Variants in USP42 observed in about 807,000 individuals in gnomAD.
The protein encoded by USP42 is ubiquitin carboxyl-terminal hydrolase 42.
A neutral mutation model predicts 113.0 loss-of-function variants in USP42; 23 were observed. The observed-to-expected ratio is 0.20, with a 90% confidence interval of 0.15 to 0.29. The LOEUF is 0.29. Among genes scored for constraint, USP42 ranks in the 10% least tolerant of loss-of-function variants. USP42 has a pLI of 1.00. For missense variants in USP42, 2,174 were observed against 1,779.8 expected (o/e 1.22, Z -3.99); for synonymous variants, 933 against 699.0 (o/e 1.33, Z -5.28).
chr7:6,106,964 A>G (rs1779316830), intron 1 of USP42, among the ~76,000 whole-genome samples: 2 of 152,248 alleles, frequency 1.3e-5, no homozygotes, highest in African/African-American at 4.8e-5. Flanking sequence ...TAGAAGCTTT[A>G]CTGAAAGTGA....
At chr7:6,108,732 G>A (rs1412392772) in intron 1 of USP42, among the ~76,000 whole-genome samples, 3 of 152,098 alleles carry the variant, frequency 2.0e-5, no homozygotes, top group African/African-American at 7.2e-5. Context: ...ACCCGCCTTG[G>A]CCTCCCAAAG....
At chr7:6,130,798 A>AT (rs1780810143) in intron 3 of USP42, among the ~76,000 whole-genome samples, 1 of 152,106 alleles carries the variant, frequency 6.6e-6, no homozygotes, top group Non-Finnish European at 1.5e-5. Context: ...GAAGACAAAG[A>AT]TTTTATGCTC....
intron 3 of USP42, among the ~76,000 whole-genome samples, chr7:6,132,710 T>C (rs1465334127): frequency 6.9e-6 from 1 of 144,956 alleles, no homozygotes; most frequent in Non-Finnish European, 1.5e-5. Context: ...TTTGCTCTGT[T>C]GCCCAGGCTG....
chr7:6,159,177 C>T lies in USP42; in HGVS notation c.3944-273C>T, dbSNP rs1237618890. On this transcript the variant is annotated intron_variant, in intron 16 of 17. Transcript: ENST00000306177. The surrounding 1 kb of genome is among the most constrained non-coding windows in gnomAD (Gnocchi z 4.1). Reference sequence around the variant, plus strand: ...TCCTCTGGCTCTGTTCCGCCCAGTTCAGTTCTTGGGCCTGATATCTGTTCT... The same window carrying T: ...TCCTCTGGCTCTGTTCCGCCCAGTTTAGTTCTTGGGCCTGATATCTGTTCT... Among the ~76,000 whole-genome samples, 1 of 152,184 alleles carries T rather than the reference C, an allele frequency of 6.6e-6. No homozygotes were observed. Among genetic ancestry groups the T allele is most frequent in the Non-Finnish European group, 1.5e-5 (1 of 68,036 alleles).
At position 6,160,803 on chromosome 7, in the gene USP42, A is replaced by ACAT. The variant is rs1240761865; in HGVS notation, c.*287_*289dup. On this transcript the variant is annotated 3_prime_UTR_variant, in exon 18 of 18. Coordinates refer to ENST00000306177, the MANE Select transcript of USP42 (RefSeq NM_032172.3). Reference sequence around the variant, plus strand: ...CATTGAAATAATGCCCTGGAATAGAACATCTCAAATGCTGCTTAATTACAG... The same window carrying ACAT: ...CATTGAAATAATGCCCTGGAATAGAACATCATCTCAAATGCTGCTTAATTACAG... 1.3e-5 allele frequency: 2 copies of ACAT among 152,642 alleles called. No individual in the cohort carries two copies. The highest frequency in any genetic ancestry group is 6.5e-5 in the Admixed American group (1 of 15,284). 9.5% of individuals were successfully genotyped at this position (152,642 alleles called of 1,614,324 possible). A position where few individuals can be genotyped will look rare whatever the true frequency, so the allele number is the denominator to read the frequency against.
chr7:6,136,026 A>G, intron 4 of USP42, 75 bp downstream of exon 4: 1 of 870,010 alleles, frequency 1.1e-6, no homozygotes, highest in Non-Finnish European at 1.7e-6. Context: ...TTTTTTCGAG[A>G]CAGAGTCTTG....
rs1782239401 is a variant in USP42, at chr7:6,154,041, C to T, written c.2487C>T (p.Ser829=). 6.2e-7 allele frequency: 1 copy of T among 1,605,434 alleles called. No individual in the cohort carries two copies. Among genetic ancestry groups the T allele is most frequent in the Non-Finnish European group, 8.5e-7 (1 of 1,179,330 alleles). The change falls in exon 15 of 18, where the codon AGC becomes AGT. Residue 829 remains serine (S), a synonymous_variant. Coordinates refer to ENST00000306177, the MANE Select transcript of USP42 (RefSeq NM_032172.3). Reference sequence around the variant, plus strand: ...CCGGGAGCTTAACAGGCGATGCGAGCCCGTTGTCCCAGGACGCAAAGGGGA... The same window carrying T: ...CCGGGAGCTTAACAGGCGATGCGAGTCCGTTGTCCCAGGACGCAAAGGGGA... ...CDPGSLTGDA[S]PLSQDAKGMI...
chr7:6,129,860 C>CAAA (rs35237852), intron 3 of USP42, among the ~76,000 whole-genome samples: 27 of 73,148 alleles, frequency 3.7e-4, no homozygotes, highest in Middle Eastern at 8.6e-3. Flanking sequence ...GACTCTGTCT[C>CAAA]AAAAAAAAAA....
chr7:6,139,222 C>T lies in USP42; in HGVS notation c.656+28C>T. 6.7e-7 allele frequency: 1 copy of T among 1,485,522 alleles called. No individual in the cohort carries two copies. The highest frequency in any genetic ancestry group is 9.2e-7 in the Non-Finnish European group (1 of 1,091,296). 92.0% of individuals were successfully genotyped at this position (1,485,522 alleles called of 1,614,324 possible). A position where few individuals can be genotyped will look rare whatever the true frequency, so the allele number is the denominator to read the frequency against. ...AAGTACAACAGAGCGCCAGCCATGT[C>T]TTCATTGGGGATCTCTGGTTGTAGT... On this transcript the variant is annotated intron_variant, in intron 5 of 17. Coordinates refer to ENST00000306177, the MANE Select transcript of USP42 (RefSeq NM_032172.3). This position sits in a 1 kb window ranked among gnomAD's most constrained non-coding sequence, Gnocchi z 4.5.
chr7:6,138,669 A>G (rs1025685511), intron 4 of USP42, among the ~76,000 whole-genome samples: 2 of 152,218 alleles, frequency 1.3e-5, no homozygotes, highest in Non-Finnish European at 2.9e-5. Context: ...GGTGAGCAGC[A>G]GGTGAGCATC....
chr7:6,148,910 G>A (rs936804158), intron 12 of USP42, among the ~76,000 whole-genome samples: 1 of 152,214 alleles, frequency 6.6e-6, no homozygotes, highest in African/African-American at 2.4e-5. Context: ...GGGGTGGTTG[G>A]CATTGCTTTT....
chr7:6,104,148 TCTCGGCTCA>T (rs1215851750), upstream of USP42, among the ~76,000 whole-genome samples: 1 of 151,346 alleles, frequency 6.6e-6, no homozygotes, highest in African/African-American at 2.5e-5. Flanking sequence ...AGAGGCGCGA[TCTCGGCTCA>T]CTGCAACCTC....
intron 7 of USP42, among the ~76,000 whole-genome samples, chr7:6,141,818 T>C (rs1562836732): frequency 6.6e-6 from 1 of 152,248 alleles, no homozygotes; most frequent in Non-Finnish European, 1.5e-5. Context: ...ATGAGTAACG[T>C]TGCAGATATA....
chr7:6,111,787 GTA>G, intron 2 of USP42: 1 of 72,234 alleles, frequency 1.4e-5, no homozygotes, highest in South Asian at 3.1e-4. Context: ...TTTTTTTTTT[GTA>G]TTTTTAGTAG....
At chr7:6,099,562 G>C in the USP42 span, among the ~76,000 whole-genome samples, 4 of 150,348 alleles carry the variant, frequency 2.7e-5, no homozygotes, top group South Asian at 8.3e-4. Flanking sequence ...TGGGCAGGCG[G>C]GTCTCAAACT....
chr7:6,150,942 G>C (rs2128517314), intron 14 of USP42, among the ~76,000 whole-genome samples: 1 of 152,318 alleles, frequency 6.6e-6, no homozygotes, highest in Admixed American at 6.5e-5. Context: ...CATCGTTTGG[G>C]GATGTGGTTG....
At chr7:6,150,362 G>T (rs1372932462) in intron 13 of USP42, 50 bp from the exon 14 acceptor site, 2 of 1,610,346 alleles carry the variant, frequency 1.2e-6, no homozygotes, top group African/African-American at 1.3e-5. Context: ...TGGATTTCAG[G>T]AGGCATGGAG....
At chr7:6,114,719 C>G (rs1479947192) in intron 2 of USP42, among the ~76,000 whole-genome samples, 1 of 98,302 alleles carries the variant, frequency 1.0e-5, no homozygotes, top group African/African-American at 3.9e-5. Flanking sequence ...GACGGAGTCT[C>G]TCGCTCTGTC....
At chr7:6,109,506 G>A (rs1779473628) in intron 1 of USP42, among the ~76,000 whole-genome samples, 1 of 152,012 alleles carries the variant, frequency 6.6e-6, no homozygotes. Context: ...AATTTTCCTT[G>A]CCTCAGCCTC....
Sources: allele counts gnomAD v4.1 joint callset (sites outside exome capture counted in the v4.1 genomes callset), GRCh38; gene constraint gnomAD v4.1.1; non-coding constraint Gnocchi (gnomAD v3.1); transcripts MANE v1.5; gene names NCBI Gene and HGNC (gene_info 2026-07-23, HGNC 2026-07-21).